Variants in KIRREL3 observed in about 807,000 individuals in gnomAD.
The protein encoded by KIRREL3 is kirre like nephrin family adhesion molecule 3.
KIRREL3 carries 36 observed loss-of-function variants against 89.7 expected under a neutral mutation model. The ratio of observed to expected loss-of-function variants is 0.40; its 90% CI spans 0.31 to 0.53. KIRREL3 has a LOEUF of 0.53. Among genes scored for constraint, KIRREL3 ranks in the 20% least tolerant of loss-of-function variants. KIRREL3 has a pLI of 0.49. For missense variants in KIRREL3, 864 were observed against 1,056.6 expected (o/e 0.82, Z 2.53); for synonymous variants, 445 against 441.4 (o/e 1.01, Z -0.10).
In KIRREL3 at chr11:126,948,506, G is replaced by C. The variant is rs548707647; in HGVS notation, c.55+51949C>G. ...TCATAGTGCAATGCCCAAAGAACTA[G>C]CATAGTTCTTCCCCAGGGTTATGAG... On this transcript the variant is annotated intron_variant, in intron 1 of 16. Coordinates refer to ENST00000525144, the MANE Select transcript of KIRREL3 (RefSeq NM_032531.4). This position sits in a 1 kb window ranked among gnomAD's most constrained non-coding sequence, Gnocchi z 4.5. 5.9e-5 allele frequency among the ~76,000 whole-genome samples: 9 copies of C among 152,286 alleles called. No individual in the cohort carries two copies. The South Asian group carries it at 1.9e-3, about 32-fold the overall frequency.
rs1958789478 is a variant in KIRREL3 at position 126,527,159 on chromosome 11, A to G, written c.134-472T>C. 6.6e-6 allele frequency among the ~76,000 whole-genome samples: 1 copy of G among 152,050 alleles called. No individual in the cohort carries two copies. Among genetic ancestry groups the G allele is most frequent in the Admixed American group, 6.6e-5 (1 of 15,252 alleles). ...TGGTGCGGCTTTGGTTAAACCTGAG[A>G]ATTCAGGAAATCATTTTGTTGTTTC... is the stretch of plus-strand genomic sequence containing the variant. On this transcript the variant is annotated intron_variant, in intron 2 of 16. Transcript: ENST00000525144. This position sits in a 1 kb window ranked among gnomAD's most constrained non-coding sequence, Gnocchi z 4.2.
chr11:126,433,374 A>G (rs1955205518), intron 13 of KIRREL3, among the ~76,000 whole-genome samples: 1 of 151,978 alleles, frequency 6.6e-6, no homozygotes, highest in Admixed American at 6.5e-5. Flanking sequence ...TGCTGGGAGG[A>G]GGTATCAAGG....
At position 126,521,359 on chromosome 11, in the gene KIRREL3, A is replaced by G; in HGVS notation, c.389T>C (p.Ile130Thr). The G allele has an allele frequency of 3.2e-6, 5 of 1,555,970 alleles. No individual in the cohort carries two copies. Among genetic ancestry groups the G allele is most frequent in the Non-Finnish European group, 4.3e-6 (5 of 1,149,736 alleles). The change falls in exon 4 of 17, where the codon ATC becomes ACC. Residue 130 changes from isoleucine (I) to threonine (T), a missense_variant. Ile to Thr is a moderately conservative substitution (Grantham distance 89). Coordinates refer to ENST00000525144, the MANE Select transcript of KIRREL3 (RefSeq NM_032531.4). The surrounding 1 kb of genome is among the most constrained non-coding windows in gnomAD (Gnocchi z 4.1). ...GGGGCGGGAGCGGATGGCGGCCTGG[A>G]TGGCCTGGCACTCGTACACCGCATC... Reference protein sequence around the residue: ...QDDAVYECQAIQAAIRSRPAR... With the variant: ...QDDAVYECQATQAAIRSRPAR...
At chr11:126,889,255 G>A (rs1945815353) in intron 1 of KIRREL3, among the ~76,000 whole-genome samples, 1 of 150,376 alleles carries the variant, frequency 6.6e-6, no homozygotes, top group African/African-American at 2.5e-5. Flanking sequence ...AGTACCCAGG[G>A]ATCTGCTTTT....
intron 3 of KIRREL3, among the ~76,000 whole-genome samples, chr11:126,524,407 C>G (rs1004018711): frequency 6.6e-6 from 1 of 152,166 alleles, no homozygotes; most frequent in African/African-American, 2.4e-5. Context: ...GGTTAACAGG[C>G]AGGTCTCATG....
chr11:126,864,336 A>G (rs747950307), intron 1 of KIRREL3, among the ~76,000 whole-genome samples: 1 of 152,166 alleles, frequency 6.6e-6, no homozygotes, highest in African/African-American at 2.4e-5. Context: ...AAGGGTGCTG[A>G]TAAAGGAGCA....
rs1449500641 is a variant in KIRREL3, at chr11:126,521,302, A to G, written c.433+13T>C. The stretch of plus-strand genomic sequence containing the variant: ...CACGCAGTGTCCCAGCCCCGTGTGC[A>G]GATGGTTCTTACCCAGGACTGTGAG... On this transcript the variant is annotated intron_variant, in intron 4 of 16. Transcript: ENST00000525144. This position sits in a 1 kb window ranked among gnomAD's most constrained non-coding sequence, Gnocchi z 4.1. The G allele has an allele frequency of 1.3e-6, 2 of 1,529,354 alleles. No individual in the cohort carries two copies. Among genetic ancestry groups the G allele is most frequent in the Middle Eastern group, 1.7e-4 (1 of 5,870 alleles). 94.7% of individuals were successfully genotyped at this position (1,529,354 alleles called of 1,614,324 possible).
At position 126,664,640 on chromosome 11, in the gene KIRREL3, T is replaced by C. The variant is rs1309949643; in HGVS notation, c.56-101728A>G. Among the ~76,000 whole-genome samples the C allele has an allele frequency of 6.6e-6, 1 of 152,210 alleles. No homozygotes were observed. The highest frequency in any genetic ancestry group is 1.5e-5 in the Non-Finnish European group (1 of 68,042). ...CATTGTTACCAGCTCCGATGTGCCCTTCCTGCATGCCAAAGCCAGTTCTCT... is the reference window on the plus strand; with the variant it reads ...CATTGTTACCAGCTCCGATGTGCCCCTCCTGCATGCCAAAGCCAGTTCTCT... On this transcript the variant is annotated intron_variant, in intron 1 of 16. Coordinates refer to ENST00000525144, the MANE Select transcript of KIRREL3 (RefSeq NM_032531.4). This position sits in a 1 kb window ranked among gnomAD's most constrained non-coding sequence, Gnocchi z 5.4.
chr11:126,480,854 C>G (rs746044093), intron 4 of KIRREL3, among the ~76,000 whole-genome samples: 1 of 152,184 alleles, frequency 6.6e-6, no homozygotes, highest in African/African-American at 2.4e-5. Context: ...TGGTTTTGCC[C>G]GGTTCTCTGG....
rs958101351 is a variant in KIRREL3 at position 126,795,286 on chromosome 11, T to C, written c.55+205169A>G. Among the ~76,000 whole-genome samples, 3 of 152,228 alleles carry C rather than the reference T, an allele frequency of 2.0e-5. No individual in the cohort carries two copies. Among genetic ancestry groups the C allele is most frequent in the African/African-American group, 7.2e-5 (3 of 41,464 alleles). On this transcript the variant is annotated intron_variant, in intron 1 of 16. Transcript: ENST00000525144. The surrounding 1 kb of genome is among the most constrained non-coding windows in gnomAD (Gnocchi z 4.1). Reference sequence around the variant, plus strand: ...ATTGGCTTACCAATGGTAACAGATATACTACACTAATGCAAGATGCTAATA... The same window carrying C: ...ATTGGCTTACCAATGGTAACAGATACACTACACTAATGCAAGATGCTAATA...
intron 4 of KIRREL3, among the ~76,000 whole-genome samples, chr11:126,517,457 G>A (rs1007949619): frequency 6.6e-6 from 1 of 152,144 alleles, no homozygotes; most frequent in African/African-American, 2.4e-5. Flanking sequence ...TGAGTCTTCG[G>A]AGAGGGCTAG....
rs1372924417 is a variant in KIRREL3 at position 126,897,119 on chromosome 11, ACAAC to A, written c.55+103332_55+103335del. On this transcript the variant is annotated intron_variant, in intron 1 of 16. Coordinates refer to ENST00000525144, the MANE Select transcript of KIRREL3 (RefSeq NM_032531.4). This position sits in a 1 kb window ranked among gnomAD's most constrained non-coding sequence, Gnocchi z 4.2. ...ATCATCTCACGAATACGGGCTACAA[ACAAC>A]TCCACAACTAAAGCAAACCCTTCTG... 6.6e-6 allele frequency among the ~76,000 whole-genome samples: 1 copy of A among 152,102 alleles called. No homozygotes were observed. Among genetic ancestry groups the A allele is most frequent in the Non-Finnish European group, 1.5e-5 (1 of 68,016 alleles).
intron 2 of KIRREL3, among the ~76,000 whole-genome samples, chr11:126,547,825 C>T (rs764661988): frequency 3.2e-4 from 48 of 152,300 alleles, no homozygotes; most frequent in South Asian, 6.2e-4. Context: ...GTGGGGAAGT[C>T]ACCCTATCCT....
rs138230688 is a variant in KIRREL3, at chr11:126,527,341, A to G, written c.134-654T>C. 2.8e-4 allele frequency among the ~76,000 whole-genome samples: 42 copies of G among 152,190 alleles called. No individual in the cohort carries two copies. Among genetic ancestry groups the G allele is most frequent in the African/African-American group, 9.4e-4 (39 of 41,516 alleles). On this transcript the variant is annotated intron_variant, in intron 2 of 16. Transcript: ENST00000525144. The surrounding 1 kb of genome is among the most constrained non-coding windows in gnomAD (Gnocchi z 4.2). ...TACTCCAGCCTCACAATCACTTGGG[A>G]AAAAATCATTATGGACACCATGCCT...
intron 7 of KIRREL3, among the ~76,000 whole-genome samples, chr11:126,451,107 G>A (rs1956102111): frequency 1.0e-5 from 1 of 97,750 alleles, no homozygotes; most frequent in Non-Finnish European, 2.0e-5. Flanking sequence ...CCATGTGCAT[G>A]TGTGCATGTG....
rs1006596112 is a variant in KIRREL3 at position 126,900,067 on chromosome 11, G to A, written c.55+100388C>T. 1.3e-5 allele frequency among the ~76,000 whole-genome samples: 2 copies of A among 152,194 alleles called. No homozygotes were observed. Among genetic ancestry groups the A allele is most frequent in the East Asian group, 3.8e-4 (2 of 5,200 alleles). On this transcript the variant is annotated intron_variant, in intron 1 of 16. Transcript: ENST00000525144. The surrounding 1 kb of genome is among the most constrained non-coding windows in gnomAD (Gnocchi z 4.4). ...GTTTTGTAAAAGGAATAGCTAGCTG[G>A]TGGGTCACTTCCTCTGCTCTCCAAA...
intron 7 of KIRREL3, among the ~76,000 whole-genome samples, chr11:126,450,686 G>C (rs912015736): frequency 1.5e-5 from 2 of 135,028 alleles, no homozygotes; most frequent in Admixed American, 1.5e-4. Context: ...TGTGCATGGT[G>C]CGTGTGTGGT....
intron 1 of KIRREL3, among the ~76,000 whole-genome samples, chr11:126,598,995 G>T (rs1261640947): frequency 1.3e-5 from 2 of 152,174 alleles, no homozygotes; most frequent in Non-Finnish European, 2.9e-5. Context: ...TAAGAAATGT[G>T]CCTGCCTTCC....
intron 1 of KIRREL3, among the ~76,000 whole-genome samples, chr11:126,950,731 C>G (rs1473632018): frequency 6.6e-6 from 1 of 152,214 alleles, no homozygotes; most frequent in Non-Finnish European, 1.5e-5. Flanking sequence ...GGAGAGCCAC[C>G]TGTCTGCACT....
Sources: gnomAD v4.1 joint callset for allele counts (sites outside exome capture counted in the v4.1 genomes callset) on GRCh38, gnomAD v4.1.1 for gene constraint, Gnocchi (gnomAD v3.1) non-coding constraint, MANE v1.5 for transcripts, NCBI Gene and HGNC (gene_info 2026-07-23, HGNC 2026-07-21) for gene names.